Variants in RABGAP1L observed in about 807,000 individuals in gnomAD.
RABGAP1L encodes RAB GTPase activating protein 1 like, also known as rab GTPase-activating protein 1-like.
In RABGAP1L, 63 loss-of-function variants were observed where a neutral mutation model predicts 137.7. That is an observed-to-expected ratio of 0.46 (90% CI 0.37 to 0.56). RABGAP1L has a LOEUF of 0.56. RABGAP1L is among the 20% of genes least tolerant of loss of function. RABGAP1L has a pLI of 0.00. For synonymous variants in RABGAP1L, 431 were observed against 433.7 expected, an observed-to-expected ratio of 0.99 and a Z score of 0.08; for missense variants, 1,095 against 1,244.0, an observed-to-expected ratio of 0.88 and a Z score of 1.80.
At chr1:174,791,830 T>G (rs1248088469) in intron 18 of RABGAP1L, among the ~76,000 whole-genome samples, 1 of 152,168 alleles carries the variant, frequency 6.6e-6, no homozygotes, top group African/African-American at 2.4e-5. Flanking sequence ...CAGTTAAAAA[T>G]TGAGAAGGCA....
chr1:174,956,555 T>C (rs922196637), intron 19 of RABGAP1L, among the ~76,000 whole-genome samples: 2 of 152,194 alleles, frequency 1.3e-5, no homozygotes, highest in Non-Finnish European at 2.9e-5. Context: ...TCATACAGCA[T>C]AATGATTCTA....
At chr1:174,840,038 A>G (rs1020848782) in intron 19 of RABGAP1L, among the ~76,000 whole-genome samples, 1 of 152,170 alleles carries the variant, frequency 6.6e-6, no homozygotes, top group African/African-American at 2.4e-5. Flanking sequence ...AAGCTGAACT[A>G]TTATACTATA....
chr1:174,552,708 CAG>C (rs1413633645), intron 13 of RABGAP1L, among the ~76,000 whole-genome samples: 3 of 152,122 alleles, frequency 2.0e-5, no homozygotes, highest in African/African-American at 7.2e-5. Context: ...GTCTTTATAA[CAG>C]AATGATTTAT....
intron 19 of RABGAP1L, among the ~76,000 whole-genome samples, chr1:174,879,092 G>A (rs1386502892): frequency 1.4e-5 from 2 of 147,998 alleles, no homozygotes; most frequent in African/African-American, 2.5e-5. Context: ...CTGCCAACAC[G>A]CCTGGCTGTT....
chr1:174,581,873 A>G (rs1197468220), intron 13 of RABGAP1L, among the ~76,000 whole-genome samples: 1 of 152,214 alleles, frequency 6.6e-6, no homozygotes, highest in African/African-American at 2.4e-5. Flanking sequence ...CTTTGACACT[A>G]AAAGGAAGGA....
intron 12 of RABGAP1L, among the ~76,000 whole-genome samples, chr1:174,375,028 C>A (rs1571480163): frequency 6.6e-6 from 1 of 151,864 alleles, no homozygotes; most frequent in Non-Finnish European, 1.5e-5. Flanking sequence ...AGTTAAAAGT[C>A]GACATGCTTA....
At chr1:174,622,134 CA>C (rs1231957920) in intron 13 of RABGAP1L, among the ~76,000 whole-genome samples, 4 of 152,154 alleles carry the variant, frequency 2.6e-5, no homozygotes, top group Admixed American at 2.6e-4. Flanking sequence ...CAGAGAAATG[CA>C]AATCAAAACC....
chr1:174,790,159 G>A (rs868252969), intron 18 of RABGAP1L, among the ~76,000 whole-genome samples: 48 of 150,942 alleles, frequency 3.2e-4, no homozygotes, highest in African/African-American at 1.0e-3. Flanking sequence ...GCAGTGAGCC[G>A]AGATCATGCC....
chr1:174,691,502 T>C (rs1678875853), intron 15 of RABGAP1L, among the ~76,000 whole-genome samples: 1 of 152,232 alleles, frequency 6.6e-6, no homozygotes, highest in Non-Finnish European at 1.5e-5. Flanking sequence ...TTCTCAATTA[T>C]GCATGTGAGG....
At chr1:174,202,224 A>G (rs1375224193) in intron 1 of RABGAP1L, among the ~76,000 whole-genome samples, 3 of 152,136 alleles carry the variant, frequency 2.0e-5, no homozygotes, top group Admixed American at 6.6e-5. Flanking sequence ...AGGAATCGCT[A>G]CACTGACTTC....
intron 13 of RABGAP1L, among the ~76,000 whole-genome samples, chr1:174,446,851 T>C (rs1654825852): frequency 6.6e-6 from 1 of 152,086 alleles, no homozygotes; most frequent in Admixed American, 6.5e-5. Flanking sequence ...CTACTGAAAA[T>C]AGAAAAGGTA....
chr1:174,624,418 A>G (rs1672787610), intron 13 of RABGAP1L, among the ~76,000 whole-genome samples: 1 of 152,162 alleles, frequency 6.6e-6, no homozygotes, highest in African/African-American at 2.4e-5. Flanking sequence ...GCCTTTTGCA[A>G]TTTAAGGAAA....
Position 174,221,105 on chromosome 1 carries a change from T to C in RABGAP1L, c.272T>C (p.Ile91Thr), listed in dbSNP as rs1199965641. ...ATTTCAGACCATTCGTTTGGAGATA[T>C]TCCAGCCAGCCAAACAAATAAGCCA... ...SEISDHSFGD[I>T]PASQTNKPSL... The change falls in exon 3 of 26, where the codon ATT becomes ACT. Residue 91 changes from isoleucine to threonine, a missense_variant. Transcript: ENST00000681986. The C allele has an allele frequency of 6.2e-6, 10 of 1,613,726 alleles. No homozygotes were observed. The South Asian group carries it at 8.8e-5, about 14-fold the overall frequency.
intron 19 of RABGAP1L, among the ~76,000 whole-genome samples, chr1:174,869,916 C>A (rs1230108449): frequency 6.6e-6 from 1 of 152,148 alleles, no homozygotes; most frequent in Non-Finnish European, 1.5e-5. Context: ...CCTTCATCTT[C>A]CACACTCCAG....
At chr1:174,212,650 C>A (rs941422970) in intron 1 of RABGAP1L, among the ~76,000 whole-genome samples, 3 of 151,688 alleles carry the variant, frequency 2.0e-5, no homozygotes, top group Admixed American at 1.3e-4. Flanking sequence ...CAAGAGCAAA[C>A]CAAACCCAAA....
chr1:174,546,034 G>A (rs1028444953), intron 13 of RABGAP1L: 1 of 152,150 alleles, frequency 6.6e-6, no homozygotes, highest in African/African-American at 2.4e-5. Context: ...ATCTTAAGAA[G>A]ATAAATCTAA....
At chr1:174,414,516 T>C (rs1166375804) in intron 13 of RABGAP1L, among the ~76,000 whole-genome samples, 2 of 152,124 alleles carry the variant, frequency 1.3e-5, no homozygotes, top group African/African-American at 4.8e-5. Flanking sequence ...GAAACTGTGT[T>C]CTTTCATTGT....
At chr1:174,365,556 C>G (rs1487720943) in intron 11 of RABGAP1L, among the ~76,000 whole-genome samples, 1 of 152,112 alleles carries the variant, frequency 6.6e-6, no homozygotes, top group Non-Finnish European at 1.5e-5. Flanking sequence ...TCCAAATGCT[C>G]CCTCTGTGTG....
intron 13 of RABGAP1L, among the ~76,000 whole-genome samples, chr1:174,409,509 C>T (rs1262149892): frequency 6.6e-6 from 1 of 152,108 alleles, no homozygotes; most frequent in African/African-American, 2.4e-5. Context: ...AACAGAATAA[C>T]ACGATTTTCA....
Sources: gnomAD v4.1 joint callset for allele counts (sites outside exome capture counted in the v4.1 genomes callset) on GRCh38, gnomAD v4.1.1 for gene constraint, MANE v1.5 for transcripts, NCBI Gene and HGNC (gene_info 2026-07-23, HGNC 2026-07-21) for gene names.